Variants in SYDE2 observed in about 807,000 individuals in gnomAD.
SYDE2 encodes the protein synapse defective Rho GTPase homolog 2.
A neutral mutation model predicts 91.5 loss-of-function variants in SYDE2; 76 were observed. The ratio of observed to expected loss-of-function variants is 0.83; its 90% CI spans 0.69 to 1.01. SYDE2 has a LOEUF of 1.01. Ranked by LOEUF, SYDE2 falls within the 50% of genes least tolerant of loss-of-function variation. The pLI is 0.00. For synonymous variants in SYDE2, 513 were observed against 506.4 expected, an observed-to-expected ratio of 1.01 and a Z score of -0.18; for missense variants, 1,364 against 1,367.7, an observed-to-expected ratio of 1.00 and a Z score of 0.04.
chr1:85,182,703 C>G lies in SYDE2; in HGVS notation c.1939G>C (p.Glu647Gln). The G allele has an allele frequency of 6.2e-7, 1 of 1,613,608 alleles. No individual in the cohort carries two copies. Among genetic ancestry groups the G allele is most frequent in the Non-Finnish European group, 8.5e-7 (1 of 1,179,768 alleles). The change falls in exon 3 of 7, where the codon GAA becomes CAA. Residue 647 changes from glutamate (E) to glutamine (Q), a missense_variant. Physicochemically the swap from Glu to Gln is conservative, Grantham distance 29. Transcript: ENST00000341460. ...TTGCTACAACTATTTGAAATTATTT[C>G]TTTTCCTTTTCCAAATTTGTTTTCA... The part of the protein sequence containing the change: ...GSENKFGKGK[E>Q]IISNSCSKNE...
At chr1:85,180,722 A>G (rs1042575459) in intron 3 of SYDE2, among the ~76,000 whole-genome samples, 127 of 152,114 alleles carry the variant, frequency 8.3e-4, no homozygotes, top group Non-Finnish European at 8.8e-4. Flanking sequence ...CTACATAAAA[A>G]TGAAAAGCAT....
At chr1:85,163,018 T>C (rs1657115922) in intron 6 of SYDE2, among the ~76,000 whole-genome samples, 1 of 152,176 alleles carries the variant, frequency 6.6e-6, no homozygotes, top group Non-Finnish European at 1.5e-5. Flanking sequence ...AAAATAACAT[T>C]CTAATTCAGT....
Position 85,200,907 on chromosome 1 carries a change from G to A in SYDE2, c.90C>T (p.Gly30=), listed in dbSNP as rs1207369486. The change falls in exon 1 of 7, where the codon GGC becomes GGT. Residue 30 remains glycine (G), a synonymous_variant. Transcript: ENST00000341460. ...ACGCGGCGCCGCGGGAAGGCGGCTG[G>A]CCCGGAGCCCGGGCTCCCGCGGGGA... ...HSFPAGARAP[G]QPPSRGAAYR... 4 of 1,324,542 alleles carry A rather than the reference G, an allele frequency of 3.0e-6. No individual in the cohort carries two copies. Among genetic ancestry groups the A allele is most frequent in the Non-Finnish European group, 3.8e-6 (4 of 1,046,492 alleles). 82.0% of individuals were successfully genotyped at this position (1,324,542 alleles called of 1,614,324 possible).
chr1:85,154,688 C>T (rs1029642159), downstream of SYDE2, among the ~76,000 whole-genome samples: 6 of 151,672 alleles, frequency 4.0e-5, no homozygotes, highest in African/African-American at 1.5e-4. Context: ...TCTTTTAGCT[C>T]CTGCTTCAAA....
In SYDE2 at chr1:85,191,390, ATTATT is replaced by A. The variant is rs571929043; in HGVS notation, c.746-643_746-639del. Among the ~76,000 whole-genome samples, 12 of 152,318 alleles carry A rather than the reference ATTATT, an allele frequency of 7.9e-5. No homozygotes were observed. The East Asian group carries it at 2.3e-3, about 29-fold the overall frequency. On this transcript the variant is annotated intron_variant, in intron 1 of 6. Transcript: ENST00000341460. ...GTCTCACAGTATGCACTACACAGCT[ATTATT>A]TTTTTTGGCCAGGCACAAACTTAAG... is the stretch of plus-strand genomic sequence containing the variant.
intron 2 of SYDE2, among the ~76,000 whole-genome samples, chr1:85,184,880 T>TAA (rs77543627): frequency 0.011 from 1,528 of 135,550 alleles, 13 homozygotes; most frequent in Non-Finnish European, 0.017. Context: ...TACCCCGTCT[T>TAA]AAAAAAAAAA....
At position 85,159,217 on chromosome 1, in the gene SYDE2, T is replaced by C. The variant is rs768269794; in HGVS notation, c.3118A>G (p.Asn1040Asp). Residue 1040 changes from asparagine (N) to aspartate (D), a missense_variant, in exon 7 of 7, where the codon AAT becomes GAT. Asn to Asp is a conservative substitution (Grantham distance 23). Transcript: ENST00000341460. The part of the protein sequence containing the change: ...QRLTVKKSTD[N>D]LFPEQKSSLN... ...GAAGACTTCTGCTCTGGGAATAAAT[T>C]GTCTGTTGATTTTTTGACAGTTAAA... The C allele has an allele frequency of 1.3e-6, 1 of 780,640 alleles. No homozygotes were observed. Among genetic ancestry groups the C allele is most frequent in the Non-Finnish European group, 2.4e-6 (1 of 417,950 alleles). The allele number at this position is 780,640 out of a possible 1,614,324, so 48.4% of individuals were successfully genotyped here. A position where few individuals can be genotyped will look rare whatever the true frequency, so the allele number is the denominator to read the frequency against.
At chr1:85,163,673 A>C (rs996461016) in intron 6 of SYDE2, among the ~76,000 whole-genome samples, 2 of 151,748 alleles carry the variant, frequency 1.3e-5, no homozygotes, top group Non-Finnish European at 2.9e-5. Flanking sequence ...CACCATCCAG[A>C]TCTGAACCCA....
intron 6 of SYDE2, 58 bp from the exon 7 acceptor site, chr1:85,159,307 AAAC>A: frequency 2.7e-6 from 2 of 735,362 alleles, no homozygotes. Flanking sequence ...CTTAAAAAAA[AAAC>A]AGAGCTAAAG....
chr1:85,183,785 C>T (rs3013111), intron 2 of SYDE2, among the ~76,000 whole-genome samples: 41,379 of 151,994 alleles, frequency 0.27, 8,061 homozygotes, highest in African/African-American at 0.55. Flanking sequence ...GGTCCTGCTT[C>T]AGTCTATAAA....
chr1:85,180,647 G>A (rs1424211745), intron 3 of SYDE2, among the ~76,000 whole-genome samples: 2 of 149,694 alleles, frequency 1.3e-5, no homozygotes, highest in African/African-American at 2.5e-5. Flanking sequence ...CTGAGACTGC[G>A]CCATTGCACT....
chr1:85,174,564 AG>A (rs1657621847), intron 4 of SYDE2, among the ~76,000 whole-genome samples: 3 of 152,226 alleles, frequency 2.0e-5, no homozygotes, highest in African/African-American at 7.2e-5. Flanking sequence ...TTGATTAGGT[AG>A]ATTTGAATGT....
chr1:85,173,580 A>G (rs1350371032), intron 4 of SYDE2, among the ~76,000 whole-genome samples: 1 of 152,234 alleles, frequency 6.6e-6, no homozygotes, highest in African/African-American at 2.4e-5. Context: ...AGCAGTTCAC[A>G]TTCTGCCTAA....
intron 4 of SYDE2, among the ~76,000 whole-genome samples, chr1:85,170,782 G>C (rs770403202): frequency 1.3e-5 from 2 of 152,158 alleles, no homozygotes; most frequent in African/African-American, 2.4e-5. Flanking sequence ...CATTATAGTA[G>C]TTCAATGTAA....
chr1:85,192,471 C>G (rs1486713431), intron 1 of SYDE2, among the ~76,000 whole-genome samples: 2 of 152,016 alleles, frequency 1.3e-5, no homozygotes, highest in Non-Finnish European at 2.9e-5. Context: ...CCCAACCAAG[C>G]AGATTAATAA....
At chr1:85,164,484 C>A (rs1181139812) in intron 6 of SYDE2, 42 bp downstream of exon 6, 1 of 1,275,498 alleles carries the variant, frequency 7.8e-7, no homozygotes, top group South Asian at 1.7e-5. Flanking sequence ...ATTCAAATAC[C>A]CTATCATTGA....
chr1:85,194,775 T>A (rs1658513903), intron 1 of SYDE2: 1 of 954,872 alleles, frequency 1.0e-6, no homozygotes. Flanking sequence ...ATAATAAATC[T>A]AGATTACTTA....
chr1:85,196,748 G>T (rs1658601794), intron 1 of SYDE2, among the ~76,000 whole-genome samples: 1 of 152,042 alleles, frequency 6.6e-6, no homozygotes, highest in Non-Finnish European at 1.5e-5. Context: ...GAAAAAAATT[G>T]TTGGAAAAAT....
At chr1:85,161,669 T>A (rs1657063591) in intron 6 of SYDE2, among the ~76,000 whole-genome samples, 1 of 145,752 alleles carries the variant, frequency 6.9e-6, no homozygotes. Context: ...AAGGTTTCAG[T>A]GAGTCAAGAT....
Sources: allele counts gnomAD v4.1 joint callset (sites outside exome capture counted in the v4.1 genomes callset), GRCh38; gene constraint gnomAD v4.1.1; transcripts MANE v1.5; gene names NCBI Gene and HGNC (gene_info 2026-07-23, HGNC 2026-07-21).